ANKRD31: variants seen among roughly 807,000 people sequenced by gnomAD.
ANKRD31 encodes the protein ankyrin repeat domain-containing protein 31.
ANKRD31 carries 147 observed loss-of-function variants against 186.0 expected under a neutral mutation model. The ratio of observed to expected loss-of-function variants is 0.79; its 90% CI spans 0.69 to 0.91. The LOEUF (loss-of-function observed/expected upper bound fraction) is 0.91. ANKRD31 is among the 40% of genes least tolerant of loss of function. ANKRD31 has a pLI of 0.00. For missense variants in ANKRD31, 1,986 were observed against 2,148.8 expected, an observed-to-expected ratio of 0.92 and a Z score of 1.50; for synonymous variants, 673 against 736.4, an observed-to-expected ratio of 0.91 and a Z score of 1.39.
At chr5:75,080,662 G>A in intron 24 of ANKRD31, 23 bp from the exon 25 acceptor site, 1 of 1,512,040 alleles carries the variant, frequency 6.6e-7, no homozygotes, top group Non-Finnish European at 8.8e-7. Flanking sequence ...CAAAACGTTA[G>A]TAATAATTTT....
chr5:75,176,219 T>C (rs151250760), intron 10 of ANKRD31, among the ~76,000 whole-genome samples: 2,370 of 152,134 alleles, frequency 0.016, 74 homozygotes, highest in African/African-American at 0.054. Flanking sequence ...CTTGAGTAGG[T>C]TAACAAAGCG....
rs1182634430 is a variant in ANKRD31, at chr5:75,138,959, T to C, written c.3620A>G (p.Lys1207Arg). Residue 1207 changes from lysine to arginine, a missense_variant, in exon 16 of 26, where the codon AAG (lysine) becomes AGG (arginine). Physicochemically the swap from Lys to Arg is conservative, Grantham distance 26. Coordinates refer to ENST00000506364, the MANE Select transcript of ANKRD31 (RefSeq NM_001372053.1). ...CTGGCTTTCCCCTCTGGCATTCCTC[T>C]TGTTGATCCTACCTGCTTTCATTCC... ...NLGMKAGRIN[K>R]RNARGESQLH... The C allele has an allele frequency of 6.5e-7, 1 of 1,536,868 alleles. No individual in the cohort carries two copies.
At chr5:75,213,247 G>A (rs914596775) in intron 3 of ANKRD31, among the ~76,000 whole-genome samples, 1 of 152,154 alleles carries the variant, frequency 6.6e-6, no homozygotes, top group Admixed American at 6.5e-5. Context: ...CTGTGTCTCT[G>A]CAAAGTAATT....
intron 1 of ANKRD31, among the ~76,000 whole-genome samples, chr5:75,230,984 C>T (rs1420194009): frequency 2.6e-5 from 4 of 152,112 alleles, no homozygotes; most frequent in African/African-American, 9.7e-5. Context: ...GGTTTTTTCC[C>T]TTCACATTTC....
chr5:75,125,897 C>T (rs749235979), intron 17 of ANKRD31, among the ~76,000 whole-genome samples: 14 of 152,110 alleles, frequency 9.2e-5, no homozygotes, highest in Non-Finnish European at 1.8e-4. Flanking sequence ...GGCCTTTTAC[C>T]TGTTTAAAAA....
At chr5:75,120,205 T>C (rs373401600) in intron 17 of ANKRD31, among the ~76,000 whole-genome samples, 65 of 152,038 alleles carry the variant, frequency 4.3e-4, no homozygotes, top group Middle Eastern at 3.4e-3. Context: ...GACCAGCCTG[T>C]GCAACATAGG....
chr5:75,140,392 C>T (rs372148330), intron 15 of ANKRD31, among the ~76,000 whole-genome samples: 21 of 152,030 alleles, frequency 1.4e-4, no homozygotes, highest in Non-Finnish European at 2.8e-4. Flanking sequence ...GCAAAATAAA[C>T]GGATAGGGTG....
intron 25 of ANKRD31, among the ~76,000 whole-genome samples, chr5:75,076,495 A>G (rs1160542870): frequency 6.6e-6 from 1 of 152,216 alleles, no homozygotes; most frequent in Admixed American, 6.5e-5. Flanking sequence ...ATCTCTGGGC[A>G]TGCCACTCTC....
intron 17 of ANKRD31, among the ~76,000 whole-genome samples, chr5:75,135,520 C>T (rs1055072985): frequency 6.6e-6 from 1 of 152,116 alleles, no homozygotes; most frequent in Admixed American, 6.5e-5. Context: ...TAAAAGAGGA[C>T]ACAAACAAAT....
At chr5:75,168,921 A>G in intron 11 of ANKRD31, 58 bp downstream of exon 11, 1 of 1,425,674 alleles carries the variant, frequency 7.0e-7, no homozygotes, top group South Asian at 1.4e-5. Flanking sequence ...GTGGTCCCAG[A>G]GATATTTAAT....
intron 22 of ANKRD31, among the ~76,000 whole-genome samples, chr5:75,095,379 C>T (rs1746239306): frequency 6.6e-6 from 1 of 151,602 alleles, no homozygotes; most frequent in Admixed American, 6.6e-5. Flanking sequence ...GAGGCTGAGG[C>T]AGGAGAATGG....
intron 7 of ANKRD31, among the ~76,000 whole-genome samples, chr5:75,194,066 C>G (rs1166656621): frequency 2.0e-5 from 3 of 152,106 alleles, no homozygotes; most frequent in Non-Finnish European, 4.4e-5. Context: ...AACAGTGTAT[C>G]AGGAATTGTT....
In ANKRD31 at chr5:75,104,499, C is replaced by T. The variant is rs62622770; in HGVS notation, c.5060G>A (p.Gly1687Glu). 28,925 of 1,537,092 alleles carry T rather than the reference C, an allele frequency of 0.019. 350 individuals are homozygous for T. The highest frequency in any genetic ancestry group is 0.054 in the Middle Eastern group (322 of 5,990). ...TTGATGTGCCAGAGATTCTGATGCC[C>T]CTGTAGGTGATTGCTGGGAACTTGT... ...RKTSSQQSPT[G>E]ASESLAHQGI... Residue 1687 changes from glycine (G) to glutamate (E), a missense_variant, in exon 22 of 26, where the codon GGG becomes GAG. Transcript: ENST00000506364.
chr5:75,152,600 ATTTGTT>A (rs1023737431), intron 12 of ANKRD31, among the ~76,000 whole-genome samples: 53 of 152,086 alleles, frequency 3.5e-4, no homozygotes, highest in African/African-American at 1.2e-3. Context: ...AATGGAAAGA[ATTTGTT>A]TTTGTTTTTG....
chr5:75,156,517 T>C (rs1163473727), intron 11 of ANKRD31, among the ~76,000 whole-genome samples: 3 of 152,214 alleles, frequency 2.0e-5, no homozygotes, highest in African/African-American at 7.2e-5. Flanking sequence ...AAGATATCCA[T>C]GTCTTCATCT....
intron 6 of ANKRD31, among the ~76,000 whole-genome samples, chr5:75,198,279 T>C (rs1755603945): frequency 6.6e-6 from 1 of 152,152 alleles, no homozygotes; most frequent in Admixed American, 6.6e-5. Flanking sequence ...CTGGCCTGTC[T>C]CACAATAAAG....
At chr5:75,188,347 T>A in intron 10 of ANKRD31, 146 bp downstream of exon 10, 1 of 709,412 alleles carries the variant, frequency 1.4e-6, no homozygotes, top group Non-Finnish European at 2.2e-6. Flanking sequence ...AAGATAATGG[T>A]GATGAGCTAC....
intron 11 of ANKRD31, among the ~76,000 whole-genome samples, chr5:75,160,781 G>A (rs77457167): frequency 7.9e-5 from 12 of 152,060 alleles, no homozygotes; most frequent in African/African-American, 2.4e-4. Context: ...TCATGGGGGC[G>A]GTTTCTCTAT....
At chr5:75,095,736 G>A (rs936831064) in intron 22 of ANKRD31, among the ~76,000 whole-genome samples, 3 of 152,020 alleles carry the variant, frequency 2.0e-5, no homozygotes, top group Admixed American at 6.5e-5. Context: ...CTGGCATACT[G>A]TTATAATCAT....
Sources: allele counts gnomAD v4.1 joint callset (sites outside exome capture counted in the v4.1 genomes callset), GRCh38; gene constraint gnomAD v4.1.1; transcripts MANE v1.5; gene names NCBI Gene and HGNC (gene_info 2026-07-23, HGNC 2026-07-21).